TRPM3: variants seen among roughly 807,000 people sequenced by gnomAD.
The protein encoded by TRPM3 is transient receptor potential cation channel subfamily M member 3.
Under a neutral mutation model 181.2 loss-of-function variants are expected in TRPM3, and 77 were observed. The ratio of observed to expected loss-of-function variants is 0.42; its 90% CI spans 0.35 to 0.51. The LOEUF (loss-of-function observed/expected upper bound fraction) is 0.51, where lower values mean the gene tolerates loss of function less well. Among genes scored for constraint, TRPM3 ranks in the 20% least tolerant of loss-of-function variants. The pLI, the probability that TRPM3 is intolerant of heterozygous loss-of-function variation, is 0.01. For missense variants in TRPM3, 1,759 were observed against 2,196.7 expected, an observed-to-expected ratio of 0.80 and a Z score of 3.98; for synonymous variants, 745 against 796.4, an observed-to-expected ratio of 0.94 and a Z score of 1.09.
intron 8 of TRPM3, among the ~76,000 whole-genome samples, chr9:70,755,241 A>C (rs544389534): frequency 1.3e-4 from 20 of 152,306 alleles, no homozygotes; most frequent in African/African-American, 4.6e-4. Context: ...GTTGAAATGA[A>C]GGAAAAAATG....
chr9:70,602,591 TC>T (rs1232040039), intron 20 of TRPM3, among the ~76,000 whole-genome samples: 2 of 152,218 alleles, frequency 1.3e-5, no homozygotes, highest in East Asian at 1.9e-4. Flanking sequence ...CTAATGGCTT[TC>T]CCTGATGAAA....
At chr9:71,169,771 A>G (rs1347383285) in intron 1 of TRPM3, among the ~76,000 whole-genome samples, 2 of 152,036 alleles carry the variant, frequency 1.3e-5, no homozygotes, top group Non-Finnish European at 2.9e-5. Flanking sequence ...CCTGGCCAAC[A>G]TGGCGAAACC....
chr9:70,981,305 G>C (rs2097361571), intron 1 of TRPM3, among the ~76,000 whole-genome samples: 1 of 152,178 alleles, frequency 6.6e-6, no homozygotes, highest in African/African-American at 2.4e-5. Flanking sequence ...CGATCCCTTT[G>C]ATTTAGGCCT....
intron 8 of TRPM3, among the ~76,000 whole-genome samples, chr9:70,697,733 T>C (rs528969498): frequency 1.3e-5 from 2 of 152,230 alleles, no homozygotes; most frequent in East Asian, 1.9e-4. Flanking sequence ...TGTGAGGAAG[T>C]TTCAAGAAGA....
intron 1 of TRPM3, among the ~76,000 whole-genome samples, chr9:71,014,602 T>C (rs974487770): frequency 6.6e-6 from 1 of 151,958 alleles, no homozygotes; most frequent in African/African-American, 2.4e-5. Context: ...TTATAAAGCA[T>C]CCTTCTTTGT....
At chr9:70,798,760 T>C (rs2087958430) in intron 6 of TRPM3, among the ~76,000 whole-genome samples, 1 of 152,212 alleles carries the variant, frequency 6.6e-6, no homozygotes, top group Non-Finnish European at 1.5e-5. Context: ...AGGGGTTGCC[T>C]GTCATACCTC....
chr9:71,238,321 T>C (rs2081479965), intron 1 of TRPM3, among the ~76,000 whole-genome samples: 1 of 152,120 alleles, frequency 6.6e-6, no homozygotes, highest in Non-Finnish European at 1.5e-5. Flanking sequence ...TCAGGTGAAA[T>C]TGTAACTCTC....
In TRPM3 at chr9:70,535,354, C is replaced by T; in HGVS notation, c.*599G>A. On this transcript the variant is annotated 3_prime_UTR_variant, in exon 26 of 26. Coordinates refer to ENST00000677713, the MANE Select transcript of TRPM3 (RefSeq NM_001366145.2). ...AACTATGACTGTTACCTTGTTTTTT[C>T]TTTATAATGATCAATTACAGAAGTG... 1 of 1,499,094 alleles carries T rather than the reference C, an allele frequency of 6.7e-7. No homozygotes were observed. The highest frequency in any genetic ancestry group is 9.1e-7 in the Non-Finnish European group (1 of 1,103,094). The allele number at this position is 1,499,094 out of a possible 1,614,324, so 92.9% of individuals were successfully genotyped here.
intron 1 of TRPM3, among the ~76,000 whole-genome samples, chr9:71,031,893 C>T (rs541819334): frequency 1.2e-3 from 166 of 139,810 alleles, no homozygotes; most frequent in African/African-American, 4.1e-3. Context: ...CATGTATTTA[C>T]TAATATCTGG....
intron 1 of TRPM3, among the ~76,000 whole-genome samples, chr9:71,232,587 G>T (rs75993872): frequency 7.7e-6 from 1 of 130,212 alleles, no homozygotes; most frequent in African/African-American, 2.9e-5. Flanking sequence ...TGCAACCTCC[G>T]CCTCCCAGGT....
chr9:70,681,240 T>G (rs1047494471), intron 9 of TRPM3, among the ~76,000 whole-genome samples: 2 of 152,154 alleles, frequency 1.3e-5, no homozygotes, highest in African/African-American at 4.8e-5. Context: ...ACATATTATG[T>G]CAGCCTTTTT....
intron 1 of TRPM3, among the ~76,000 whole-genome samples, chr9:71,202,693 C>T (rs146694062): frequency 6.1e-4 from 93 of 152,226 alleles, no homozygotes; most frequent in Non-Finnish European, 1.1e-3. Flanking sequence ...AACATTTTAG[C>T]GCAGCATAGT....
At chr9:70,880,628 G>C (rs2095972900) in intron 1 of TRPM3, among the ~76,000 whole-genome samples, 1 of 152,042 alleles carries the variant, frequency 6.6e-6, no homozygotes, top group African/African-American at 2.4e-5. Flanking sequence ...CCATAAATTT[G>C]AGGACAAAGT....
In TRPM3 at chr9:70,530,896, G is replaced by C. The variant is rs1587923774; in HGVS notation, c.*5057C>G. On this transcript the variant is annotated 3_prime_UTR_variant, in exon 26 of 26. Transcript: ENST00000677713. ...TGCAAATTGGCTCCTCTCTTTAACA[G>C]ATGTTGAATGGCTTCTAGTAATGAT... The C allele has an allele frequency of 6.6e-6, 1 of 152,262 alleles. No individual in the cohort carries two copies. The highest frequency in any genetic ancestry group is 1.9e-4 in the East Asian group (1 of 5,178). 9.4% of individuals were successfully genotyped at this position (152,262 alleles called of 1,614,324 possible). A position where few individuals can be genotyped will look rare whatever the true frequency, so the allele number is the denominator to read the frequency against.
chr9:71,020,878 C>T (rs2097841936), intron 1 of TRPM3, among the ~76,000 whole-genome samples: 1 of 152,152 alleles, frequency 6.6e-6, no homozygotes, highest in Admixed American at 6.5e-5. Context: ...GCACTTCTAG[C>T]ATATGCCCAA....
At chr9:71,405,947 C>T (rs2093427809) in intron 1 of TRPM3, among the ~76,000 whole-genome samples, 1 of 151,946 alleles carries the variant, frequency 6.6e-6, no homozygotes, top group South Asian at 2.1e-4. Context: ...TAAAGCTTTC[C>T]ATCATTTAAT....
In TRPM3 at chr9:70,838,875, T is replaced by C. The variant is rs562164661; in HGVS notation, c.801+4128A>G. Reference sequence around the variant, plus strand: ...AAAAAAAGGGCTTGGTTAAACAGAGTGGACAATATTTAAATTTAAAACATC... The same window carrying C: ...AAAAAAAGGGCTTGGTTAAACAGAGCGGACAATATTTAAATTTAAAACATC... On this transcript the variant is annotated intron_variant, in intron 5 of 25. Coordinates refer to ENST00000677713, the MANE Select transcript of TRPM3 (RefSeq NM_001366145.2). Among the ~76,000 whole-genome samples the C allele has an allele frequency of 4.6e-5, 7 of 152,084 alleles. No individual in the cohort carries two copies. In the South Asian group the frequency reaches 1.5e-3, roughly 32 times the overall value.
At position 70,533,938 on chromosome 9, in the gene TRPM3, T is replaced by C. The variant is rs993804645; in HGVS notation, c.*2015A>G. The C allele has an allele frequency of 6.6e-6, 1 of 152,240 alleles. No homozygotes were observed. The allele number at this position is 152,240 out of a possible 1,614,324, so 9.4% of individuals were successfully genotyped here. A position where few individuals can be genotyped will look rare whatever the true frequency, so the allele number is the denominator to read the frequency against. ...TTATATTTAAAGGCCATGTATTTAC[T>C]TGATTTCACAAAATAAAGTAAAACT... On this transcript the variant is annotated 3_prime_UTR_variant, in exon 26 of 26. Coordinates refer to ENST00000677713, the MANE Select transcript of TRPM3 (RefSeq NM_001366145.2).
chr9:71,265,191 T>C (rs1565399889), intron 1 of TRPM3, among the ~76,000 whole-genome samples: 1 of 152,204 alleles, frequency 6.6e-6, no homozygotes, highest in Non-Finnish European at 1.5e-5. Context: ...ACTTACAAAA[T>C]ATGTTATACA....
Sources: gnomAD v4.1 joint callset for allele counts (sites outside exome capture counted in the v4.1 genomes callset) on GRCh38, gnomAD v4.1.1 for gene constraint, MANE v1.5 for transcripts, NCBI Gene and HGNC (gene_info 2026-07-23, HGNC 2026-07-21) for gene names.